The following ULK4 variants were observed in gnomAD, a reference collection of about 807,000 sequenced individuals.
The protein encoded by ULK4 is inactive serine/threonine-protein kinase ULK4.
In ULK4, 133 loss-of-function variants were observed where a neutral mutation model predicts 160.6. The ratio of observed to expected loss-of-function variants is 0.83; its 90% confidence interval spans 0.72 to 0.96. The LOEUF (loss-of-function observed/expected upper bound fraction) is 0.96. Ranked by LOEUF, ULK4 falls within the 40% of genes least tolerant of loss-of-function variation. The pLI is 0.00. For missense variants in ULK4, 1,580 were observed against 1,499.5 expected, an observed-to-expected ratio of 1.05 and a Z score of -0.89; for synonymous variants, 534 against 539.8, an observed-to-expected ratio of 0.99 and a Z score of 0.15.
chr3:41,696,725 G>A (rs2036516679), intron 27 of ULK4, among the ~76,000 whole-genome samples: 1 of 142,052 alleles, frequency 7.0e-6, no homozygotes, highest in Non-Finnish European at 1.5e-5. Flanking sequence ...TAGCAAAAGG[G>A]AATTTGCAGA....
At chr3:41,601,646 C>T (rs897981313) in intron 31 of ULK4, among the ~76,000 whole-genome samples, 4 of 152,032 alleles carry the variant, frequency 2.6e-5, no homozygotes, top group Admixed American at 6.5e-5. Context: ...AATGATACCT[C>T]GTCTCTGTGG....
intron 34 of ULK4, among the ~76,000 whole-genome samples, chr3:41,421,987 G>C (rs915045692): frequency 1.3e-5 from 2 of 150,610 alleles, no homozygotes; most frequent in Non-Finnish European, 3.0e-5. Context: ...TTTTTCTTTT[G>C]ATAAGAACTA....
chr3:41,632,491 T>A (rs1231535922), intron 30 of ULK4, among the ~76,000 whole-genome samples: 1 of 152,220 alleles, frequency 6.6e-6, no homozygotes, highest in African/African-American at 2.4e-5. Flanking sequence ...GTATCTTTTA[T>A]GTGCCATGCA....
At chr3:41,393,272 T>C (rs56662026) in intron 35 of ULK4, among the ~76,000 whole-genome samples, 10,026 of 152,206 alleles carry the variant, frequency 0.066, 673 homozygotes, top group East Asian at 0.37. Flanking sequence ...GGAAAACTAA[T>C]TCAATTAAGA....
At chr3:41,580,229 G>T (rs1274803339) in intron 31 of ULK4, among the ~76,000 whole-genome samples, 1 of 152,070 alleles carries the variant, frequency 6.6e-6, no homozygotes, top group Non-Finnish European at 1.5e-5. Context: ...GCACAGAGGG[G>T]GTGCTGGTCT....
intron 31 of ULK4, among the ~76,000 whole-genome samples, chr3:41,583,019 G>C (rs1178175192): frequency 6.6e-6 from 1 of 152,138 alleles, no homozygotes; most frequent in African/African-American, 2.4e-5. Context: ...TCAAGAGATG[G>C]GGTGGGAGAG....
At chr3:41,652,639 G>A (rs2034786454) in intron 30 of ULK4, among the ~76,000 whole-genome samples, 1 of 152,196 alleles carries the variant, frequency 6.6e-6, no homozygotes, top group African/African-American at 2.4e-5. Flanking sequence ...ACGCAGTAGT[G>A]AAAAGCAGAA....
chr3:41,582,259 T>C (rs35801917), intron 31 of ULK4, among the ~76,000 whole-genome samples: 19,508 of 152,172 alleles, frequency 0.13, 1,633 homozygotes, highest in Admixed American at 0.19. Context: ...CCTTCTGCCA[T>C]GATTGTAAGA....
chr3:41,959,691 C>T (rs920854944), intron 1 of ULK4, among the ~76,000 whole-genome samples: 4 of 152,116 alleles, frequency 2.6e-5, no homozygotes, highest in East Asian at 1.9e-4. Context: ...GTAATCCCAA[C>T]GCTTTCGGAG....
chr3:41,357,664 T>C (rs565228701), intron 35 of ULK4, among the ~76,000 whole-genome samples: 2 of 152,242 alleles, frequency 1.3e-5, no homozygotes, highest in South Asian at 4.1e-4. Flanking sequence ...CAGAACATGT[T>C]TGTCGAACAC....
chr3:41,649,882 A>T (rs978853917), intron 30 of ULK4, among the ~76,000 whole-genome samples: 12 of 152,186 alleles, frequency 7.9e-5, no homozygotes, highest in African/African-American at 2.9e-4. Context: ...CATGGCCCAG[A>T]GTGAGAACTT....
chr3:41,434,323 A>C (rs1413408149), intron 34 of ULK4, among the ~76,000 whole-genome samples: 1 of 152,214 alleles, frequency 6.6e-6, no homozygotes, highest in Non-Finnish European at 1.5e-5. Context: ...ATTTATATGT[A>C]CTGATATGGA....
intron 32 of ULK4, among the ~76,000 whole-genome samples, chr3:41,563,262 C>T (rs2087665182): frequency 6.6e-6 from 1 of 152,114 alleles, no homozygotes; most frequent in East Asian, 1.9e-4. Flanking sequence ...TGTGGGTAAC[C>T]CGACCTTTCT....
At chr3:41,805,333 T>C (rs2040607285) in intron 19 of ULK4, among the ~76,000 whole-genome samples, 1 of 152,250 alleles carries the variant, frequency 6.6e-6, no homozygotes, top group South Asian at 2.1e-4. Flanking sequence ...ACATTGATTT[T>C]GTATCCTGAG....
chr3:41,655,365 C>T (rs1340604479), intron 30 of ULK4, among the ~76,000 whole-genome samples: 3 of 98,360 alleles, frequency 3.1e-5, no homozygotes, highest in South Asian at 3.4e-4. Context: ...CATCACACAC[C>T]GGGGACTGTT....
intron 35 of ULK4, among the ~76,000 whole-genome samples, chr3:41,347,701 C>T (rs2080828612): frequency 2.6e-5 from 4 of 152,134 alleles, no homozygotes; most frequent in South Asian, 4.1e-4. Context: ...CTAAGAAACT[C>T]GCCATAGTGT....
At chr3:41,709,611 T>TCC (rs1435719865) in intron 25 of ULK4, among the ~76,000 whole-genome samples, 1 of 152,156 alleles carries the variant, frequency 6.6e-6, no homozygotes, top group Non-Finnish European at 1.5e-5. Context: ...GGTCTCAATC[T>TCC]CCTGACCTCA....
chr3:41,864,914 C>T (rs890236402), intron 17 of ULK4, among the ~76,000 whole-genome samples: 9 of 152,048 alleles, frequency 5.9e-5, no homozygotes, highest in African/African-American at 2.2e-4. Flanking sequence ...AGATTCCCCC[C>T]AGGATTAATC....
At chr3:41,373,633 A>G (rs574051663) in intron 35 of ULK4, among the ~76,000 whole-genome samples, 2 of 152,376 alleles carry the variant, frequency 1.3e-5, no homozygotes, top group East Asian at 3.9e-4. Flanking sequence ...ACACTGCTAA[A>G]GCAGTGTTTA....
Sources: gnomAD v4.1 joint callset for allele counts (sites outside exome capture counted in the v4.1 genomes callset) on GRCh38, gnomAD v4.1.1 for gene constraint, MANE v1.5 for transcripts, NCBI Gene and HGNC (gene_info 2026-07-23, HGNC 2026-07-21) for gene names.